Variants in CD109 observed in about 807,000 individuals in gnomAD.
CD109 encodes CD109 molecule.
CD109 carries 149 observed loss-of-function variants against 165.8 expected under a neutral mutation model. The observed-to-expected ratio is 0.90, with a 90% CI of 0.79 to 1.03. The LOEUF (loss-of-function observed/expected upper bound fraction) is 1.03. Among genes scored for constraint, CD109 ranks in the 50% least tolerant of loss-of-function variants. CD109 has a pLI of 0.00. For synonymous variants in CD109, 585 were observed against 592.1 expected, an observed-to-expected ratio of 0.99 and a Z score of 0.18; for missense variants, 1,712 against 1,677.8, an observed-to-expected ratio of 1.02 and a Z score of -0.36.
chr6:73,808,551 G>A (rs1775651085), intron 26 of CD109, among the ~76,000 whole-genome samples: 1 of 152,026 alleles, frequency 6.6e-6, no homozygotes, highest in Non-Finnish European at 1.5e-5. Flanking sequence ...CTAAGACCTT[G>A]GGTTCTGGAG....
intron 3 of CD109, among the ~76,000 whole-genome samples, chr6:73,725,689 T>A (rs1272647546): frequency 6.6e-6 from 1 of 151,964 alleles, no homozygotes; most frequent in Non-Finnish European, 1.5e-5. Context: ...TTTTTTGTAT[T>A]TTTAGTAGGG....
the CD109 span, among the ~76,000 whole-genome samples, chr6:73,685,059 G>C: frequency 3.7e-3 from 557 of 151,760 alleles, 5 homozygotes; most frequent in African/African-American, 0.012. Context: ...TGGGACTACA[G>C]GCACAGCTAA....
Position 73,815,457 on chromosome 6 carries a change from G to A in CD109, c.3911+334G>A, listed in dbSNP as rs547054629. 7.5e-4 allele frequency among the ~76,000 whole-genome samples: 111 copies of A among 147,212 alleles called. 1 individual carries two copies. Among genetic ancestry groups the A allele is most frequent in the African/African-American group, 2.9e-3 (108 of 36,848 alleles). ...TTCAAAAATGGTTATTTCTTGTTAT[G>A]AGTTATTTTTCTGTAGAAATAATTA... On this transcript the variant is annotated intron_variant, in intron 30 of 32. Coordinates refer to ENST00000287097, the MANE Select transcript of CD109 (RefSeq NM_133493.5).
In CD109 at chr6:73,771,414, T is replaced by A. The variant is rs1177825411; in HGVS notation, c.1675-15T>A. 3.1e-6 allele frequency: 5 copies of A among 1,592,658 alleles called. No homozygotes were observed. Among genetic ancestry groups the A allele is most frequent in the African/African-American group, 1.4e-5 (1 of 73,890 alleles). On this transcript the variant is annotated splice_polypyrimidine_tract_variant and intron_variant, in intron 14 of 32. Transcript: ENST00000287097. Reference sequence around the variant, plus strand: ...AAAAGTGAAATAAGTTAATCCTCCTTTCTCTCTTTTTTAGATAAAGCTATA... The same window carrying A: ...AAAAGTGAAATAAGTTAATCCTCCTATCTCTCTTTTTTAGATAAAGCTATA...
the CD109 span, among the ~76,000 whole-genome samples, chr6:73,687,630 A>G: frequency 2.6e-5 from 4 of 152,292 alleles, no homozygotes; most frequent in East Asian, 7.7e-4. Flanking sequence ...TCTCCCATCC[A>G]TATCCTTTCC....
At chr6:73,804,052 T>C (rs1057245558) in intron 24 of CD109, 2 of 152,340 alleles carry the variant, frequency 1.3e-5, no homozygotes, top group Non-Finnish European at 2.9e-5. Flanking sequence ...GGCTGGAGTC[T>C]ATAGCACTGG....
At chr6:73,797,991 G>A (rs546688055) in intron 23 of CD109, among the ~76,000 whole-genome samples, 2 of 152,216 alleles carry the variant, frequency 1.3e-5, no homozygotes, top group African/African-American at 2.4e-5. Flanking sequence ...CTTTTGGAGA[G>A]AGCTATGTTT....
chr6:73,681,366 G>GTGTGTGTGTGT, the CD109 span, among the ~76,000 whole-genome samples: 1 of 149,680 alleles, frequency 6.7e-6, no homozygotes, highest in Non-Finnish European at 1.5e-5. Flanking sequence ...GTGTGTATGT[G>GTGTGTGTGTGT]GTGAGACATT....
chr6:73,690,186 C>A, the CD109 span, among the ~76,000 whole-genome samples: 1 of 152,108 alleles, frequency 6.6e-6, no homozygotes, highest in African/African-American at 2.4e-5. Context: ...GAGCTTACTC[C>A]TGGAATTTTT....
At position 73,736,376 on chromosome 6, in the gene CD109, AT is replaced by A; in HGVS notation, c.508-3del. ...CTACATACTTACATGTCTGGTTTTC[AT>A]TTTAGGACCCCAAATCAAATTTGAT... On this transcript the variant is annotated splice_region_variant and splice_polypyrimidine_tract_variant and intron_variant, in intron 4 of 32. Coordinates refer to ENST00000287097, the MANE Select transcript of CD109 (RefSeq NM_133493.5). The A allele has an allele frequency of 1.2e-6, 2 of 1,613,152 alleles. No individual in the cohort carries two copies. Among genetic ancestry groups the A allele is most frequent in the Non-Finnish European group, 1.7e-6 (2 of 1,179,540 alleles).
In CD109 at chr6:73,820,525, A is replaced by G; in HGVS notation, c.4124A>G (p.Gln1375Arg). 4 of 1,612,100 alleles carry G rather than the reference A, an allele frequency of 2.5e-6. No homozygotes were observed. The highest frequency in any genetic ancestry group is 3.4e-6 in the Non-Finnish European group (4 of 1,178,556). ...AGAAACTTTAAAGTTTCAAATACCCAAGATGCTTCAGTGTCCATAGTGGAT... is the reference window on the plus strand; with the variant it reads ...AGAAACTTTAAAGTTTCAAATACCCGAGATGCTTCAGTGTCCATAGTGGAT... ...AVRNFKVSNT[Q>R]DASVSIVDYY... Residue 1375 changes from glutamine (Q) to arginine (R), a missense_variant, in exon 32 of 33, where the codon CAA becomes CGA. Transcript: ENST00000287097.
At chr6:73,787,126 G>A (rs1342787357) in intron 20 of CD109, 108 bp from the exon 21 acceptor site, 4 of 660,956 alleles carry the variant, frequency 6.1e-6, no homozygotes, top group Non-Finnish European at 1.0e-5. Flanking sequence ...TCATCTTTTC[G>A]CTAGTCTTGA....
chr6:73,725,876 T>G (rs1772124010), intron 3 of CD109, among the ~76,000 whole-genome samples: 1 of 152,258 alleles, frequency 6.6e-6, no homozygotes, highest in Non-Finnish European at 1.5e-5. Flanking sequence ...TATTTGTCTT[T>G]AATATTATGT....
In CD109 at chr6:73,762,763, C is replaced by A; in HGVS notation, c.878C>A (p.Ser293Tyr). The change falls in exon 9 of 33, where the codon TCT becomes TAT. Residue 293 changes from serine (S) to tyrosine (Y), a missense_variant. Physicochemically the swap from Ser to Tyr is moderately radical, Grantham distance 144. Coordinates refer to ENST00000287097, the MANE Select transcript of CD109 (RefSeq NM_133493.5). ...TFKINGSANF[S>Y]FNDEEMKNVM... ...CAGATAAATGGATCTGCAAACTTCT[C>A]TTTTAATGATGAAGAGATGAAAAAT... 1 of 1,606,488 alleles carries A rather than the reference C, an allele frequency of 6.2e-7. No homozygotes were observed. Among genetic ancestry groups the A allele is most frequent in the South Asian group, 1.1e-5 (1 of 90,036 alleles).
the CD109 span, among the ~76,000 whole-genome samples, chr6:73,684,213 C>T: frequency 9.8e-4 from 145 of 148,490 alleles, 1 homozygote; most frequent in Admixed American, 2.6e-3. Context: ...TTTCTTTTGT[C>T]GTTCTTTCTT....
In CD109 at chr6:73,782,645, G is replaced by A; in HGVS notation, c.1995G>A (p.Met665Ile). 1 of 1,613,690 alleles carries A rather than the reference G, an allele frequency of 6.2e-7. No individual in the cohort carries two copies. ...ATGCAGAATATGCTGAGAGGTTTAT[G>A]GAGGAAAATGAAGGACATATTGTAG... ...YDNAEYAERF[M>I]EENEGHIVDI... Residue 665 changes from methionine to isoleucine, a missense_variant, in exon 18 of 33, where the codon ATG becomes ATA. Coordinates refer to ENST00000287097, the MANE Select transcript of CD109 (RefSeq NM_133493.5).
chr6:73,748,271 C>T lies in CD109; in HGVS notation c.634-8372C>T, dbSNP rs569713589. Among the ~76,000 whole-genome samples the T allele has an allele frequency of 8.3e-4, 126 of 152,264 alleles. 1 individual carries two copies. Among genetic ancestry groups the T allele is most frequent in the African/African-American group, 2.9e-3 (119 of 41,550 alleles). On this transcript the variant is annotated intron_variant, in intron 5 of 32. Transcript: ENST00000287097. Reference sequence around the variant, plus strand: ...TCCCCTTTGCAACCAATTATCTACACAGCAGTAAAAATAATCTCAACATTA... The same window carrying T: ...TCCCCTTTGCAACCAATTATCTACATAGCAGTAAAAATAATCTCAACATTA...
At chr6:73,736,233 ACATC>A in intron 4 of CD109, 146 bp from the exon 5 acceptor site, 1 of 725,040 alleles carries the variant, frequency 1.4e-6, no homozygotes, top group Non-Finnish European at 2.2e-6. Context: ...TTCCATCCTC[ACATC>A]CTGCCATCCA....
intron 4 of CD109, among the ~76,000 whole-genome samples, chr6:73,734,225 C>T (rs1476325835): frequency 1.3e-5 from 2 of 152,176 alleles, no homozygotes; most frequent in Admixed American, 6.5e-5. Flanking sequence ...GAGGAATTAT[C>T]TCATTCTCCC....
Sources: gnomAD v4.1 joint callset for allele counts (sites outside exome capture counted in the v4.1 genomes callset) on GRCh38, gnomAD v4.1.1 for gene constraint, MANE v1.5 for transcripts, NCBI Gene and HGNC (gene_info 2026-07-23, HGNC 2026-07-21) for gene names.